Variants in PDZD2 observed in about 807,000 individuals in gnomAD.
PDZD2 encodes the protein PDZ domain-containing protein 2.
Under a neutral mutation model 220.7 loss-of-function variants are expected in PDZD2, and 90 were observed. The ratio of observed to expected loss-of-function variants is 0.41; its 90% CI spans 0.34 to 0.49. The LOEUF (loss-of-function observed/expected upper bound fraction) is 0.49, where lower values mean the gene tolerates loss of function less well. Ranked by LOEUF, PDZD2 falls within the 20% of genes least tolerant of loss-of-function variation. PDZD2 has a pLI of 0.28. For synonymous variants in PDZD2, 1,375 were observed against 1,450.5 expected (o/e 0.95, Z 1.18); for missense variants, 3,174 against 3,608.5 (o/e 0.88, Z 3.08).
chr5:32,006,146 C>CAAA lies in PDZD2; in HGVS notation c.1255-4170_1255-4168dup, dbSNP rs58241518. On this transcript the variant is annotated intron_variant, in intron 5 of 24. Coordinates refer to ENST00000438447, the MANE Select transcript of PDZD2 (RefSeq NM_178140.4). Reference sequence around the variant, plus strand: ...TGGGTGACAGAGTGAGACTCCACTTCAAAAAAAAAAAAAAAAGATATCAAG... The same window carrying CAAA: ...TGGGTGACAGAGTGAGACTCCACTTCAAAAAAAAAAAAAAAAAAAGATATCAAG... Among the ~76,000 whole-genome samples, 516 of 99,460 alleles carry CAAA rather than the reference C, an allele frequency of 5.2e-3. 3 individuals are homozygous for CAAA. The highest frequency in any genetic ancestry group is 0.016 in the African/African-American group (489 of 30,730). 65.2% of individuals were successfully genotyped at this position (99,460 alleles called of 152,430 possible).
chr5:32,096,421 G>A (rs900817764), intron 21 of PDZD2, among the ~76,000 whole-genome samples: 3 of 151,808 alleles, frequency 2.0e-5, no homozygotes, highest in Admixed American at 6.6e-5. Context: ...GGGTTCAAGC[G>A]ATTCTCCTGC....
At chr5:31,803,779 T>A (rs1336316187) in intron 2 of PDZD2, among the ~76,000 whole-genome samples, 2 of 152,090 alleles carry the variant, frequency 1.3e-5, no homozygotes, top group Non-Finnish European at 2.9e-5. Flanking sequence ...CTGACGCCTG[T>A]AATTTCAGCA....
At chr5:31,734,376 G>A (rs575038279) in intron 1 of PDZD2, among the ~76,000 whole-genome samples, 2 of 152,276 alleles carry the variant, frequency 1.3e-5, no homozygotes, top group African/African-American at 4.8e-5. Flanking sequence ...CTGGAGTGCA[G>A]TGATGTGATC....
chr5:32,072,078 C>G, intron 16 of PDZD2, 83 bp from the exon 17 acceptor site: 1 of 970,408 alleles, frequency 1.0e-6, no homozygotes, highest in Non-Finnish European at 1.6e-6. Flanking sequence ...ACGAAGTGTT[C>G]TTGGAAAGAT....
At position 32,087,180 on chromosome 5, in the gene PDZD2, C is replaced by T. The variant is rs146669014; in HGVS notation, c.3732C>T (p.Ala1244=). The T allele has an allele frequency of 6.2e-4, 997 of 1,613,616 alleles. 3 individuals carry two copies. In the Middle Eastern group the frequency reaches 0.016, roughly 26 times the overall value. The change falls in exon 20 of 25, where the codon GCC becomes GCT. Residue 1244 remains alanine, a synonymous_variant. Transcript: ENST00000438447. The surrounding 1 kb of genome is among the most constrained non-coding windows in gnomAD (Gnocchi z 4.0). The part of the protein sequence containing the change: ...DLISSPGKKG[A]AHPDPSKTSV... ...TCTCTTCCCCAGGGAAGAAGGGGGC[C>T]GCTCATCCTGACCCCAGCAAGACCT... is the stretch of plus-strand genomic sequence containing the variant.
chr5:31,849,920 A>G (rs1473097969), intron 2 of PDZD2, among the ~76,000 whole-genome samples: 2 of 20,146 alleles, frequency 9.9e-5, no homozygotes, highest in African/African-American at 2.7e-4. Flanking sequence ...ATATATATAC[A>G]TATATATATA....
intron 1 of PDZD2, among the ~76,000 whole-genome samples, chr5:31,671,862 T>C (rs1678905): frequency 0.98 from 149,005 of 152,298 alleles, 72,958 homozygotes; most frequent in East Asian, 1. Context: ...TTAAAGGGCT[T>C]GCCTCTCTGC....
rs72759670 is a variant in PDZD2, at chr5:32,007,774, C to T, written c.1255-2556C>T. Among the ~76,000 whole-genome samples the T allele has an allele frequency of 3.5e-3, 538 of 152,334 alleles. 1 individual carries two copies. Among genetic ancestry groups the T allele is most frequent in the Admixed American group, 6.3e-3 (97 of 15,298 alleles). Reference sequence around the variant, plus strand: ...GAGAGAACAGGTAGCTCTTCTTGCTCTCTTTCTAGAGCCATGGATTCGCTC... The same window carrying T: ...GAGAGAACAGGTAGCTCTTCTTGCTTTCTTTCTAGAGCCATGGATTCGCTC... On this transcript the variant is annotated intron_variant, in intron 5 of 24. Coordinates refer to ENST00000438447, the MANE Select transcript of PDZD2 (RefSeq NM_178140.4).
At chr5:31,673,339 A>G (rs1746287330) in intron 1 of PDZD2, among the ~76,000 whole-genome samples, 2 of 152,128 alleles carry the variant, frequency 1.3e-5, no homozygotes, top group South Asian at 4.1e-4. Flanking sequence ...TGTATGGGGG[A>G]ATGCACTGCG....
chr5:32,057,474 A>T (rs1739197355), intron 10 of PDZD2, among the ~76,000 whole-genome samples, 181 bp from the exon 11 acceptor site: 1 of 152,236 alleles, frequency 6.6e-6, no homozygotes, highest in Non-Finnish European at 1.5e-5. Context: ...GCAAAAGAAT[A>T]TGTGTTGTCA....
At chr5:31,920,391 C>CG (rs1491579092) in intron 2 of PDZD2, among the ~76,000 whole-genome samples, 1 of 696 alleles carries the variant, frequency 1.4e-3, no homozygotes, top group Non-Finnish European at 1.9e-3. Flanking sequence ...ATGATCAACG[C>CG]CCCCCCCCCC....
At chr5:31,886,007 C>T (rs1297511361) in intron 2 of PDZD2, among the ~76,000 whole-genome samples, 1 of 151,906 alleles carries the variant, frequency 6.6e-6, no homozygotes, top group Non-Finnish European at 1.5e-5. Context: ...TCAAGTGATT[C>T]TCCTGCATCA....
chr5:31,770,180 G>A (rs1359449748), intron 1 of PDZD2, among the ~76,000 whole-genome samples: 7 of 152,176 alleles, frequency 4.6e-5, no homozygotes, highest in Admixed American at 4.6e-4. Context: ...GGATGAAGAA[G>A]AAAATGTCAG....
chr5:31,711,606 G>C (rs1748107819), intron 1 of PDZD2, among the ~76,000 whole-genome samples: 1 of 152,204 alleles, frequency 6.6e-6, no homozygotes, highest in Admixed American at 6.5e-5. Context: ...GTGGGTGTTT[G>C]CTGCAGTCTC....
chr5:32,100,457 G>A (rs971756303), intron 23 of PDZD2: 12 of 232,876 alleles, frequency 5.2e-5, no homozygotes, highest in African/African-American at 1.4e-4. Context: ...ACACAGAGCC[G>A]GCATCACCAT....
rs765108664 is a variant in PDZD2 at position 32,095,905 on chromosome 5, T to C, written c.7846-1374T>C. ...ACTGGTGCCCGCCACCATGCCCGGC[T>C]TTTTTTTTTTTTTTTTTTTAGTAGA... On this transcript the variant is annotated intron_variant, in intron 21 of 24. Coordinates refer to ENST00000438447, the MANE Select transcript of PDZD2 (RefSeq NM_178140.4). 8.1e-3 allele frequency among the ~76,000 whole-genome samples: 1,007 copies of C among 123,640 alleles called. 5 individuals carry two copies. The highest frequency in any genetic ancestry group is 0.012 in the Non-Finnish European group (731 of 59,496). 81.1% of individuals were successfully genotyped at this position (123,640 alleles called of 152,430 possible). A position where few individuals can be genotyped will look rare whatever the true frequency, so the allele number is the denominator to read the frequency against.
At chr5:31,978,865 C>T (rs756410686) in intron 2 of PDZD2, among the ~76,000 whole-genome samples, 5 of 152,086 alleles carry the variant, frequency 3.3e-5, no homozygotes, top group African/African-American at 4.8e-5. Context: ...ACCTGTCATA[C>T]AGTTTCTTTA....
intron 2 of PDZD2, among the ~76,000 whole-genome samples, chr5:31,929,138 G>C (rs1396884280): frequency 6.6e-6 from 1 of 152,196 alleles, no homozygotes. Context: ...GCTCAGCGTC[G>C]TGGAGTTTTG....
intron 2 of PDZD2, among the ~76,000 whole-genome samples, chr5:31,885,920 GT>G (rs11308439): frequency 0.4 from 58,744 of 148,064 alleles, 11,609 homozygotes; most frequent in East Asian, 0.46. Flanking sequence ...TAGTTTTTTG[GT>G]TTTTTTTTTT....
Sources: gnomAD v4.1 joint callset for allele counts (sites outside exome capture counted in the v4.1 genomes callset) on GRCh38, gnomAD v4.1.1 for gene constraint, Gnocchi (gnomAD v3.1) non-coding constraint, MANE v1.5 for transcripts, NCBI Gene and HGNC (gene_info 2026-07-23, HGNC 2026-07-21) for gene names.